The following CPA6 variants were observed in gnomAD, a reference collection of about 807,000 sequenced individuals.
The protein encoded by CPA6 is carboxypeptidase B.
CPA6 carries 58 observed loss-of-function variants against 63.3 expected under a neutral mutation model. The observed-to-expected ratio is 0.92, with a 90% CI of 0.74 to 1.14. The LOEUF (loss-of-function observed/expected upper bound fraction) is 1.14, where lower values mean the gene tolerates loss of function less well. Ranked by LOEUF, CPA6 falls within the 50% of genes most tolerant of loss-of-function variation. The pLI is 0.00. For synonymous variants in CPA6, 185 were observed against 179.0 expected (o/e 1.03, Z -0.27); for missense variants, 565 against 526.6 (o/e 1.07, Z -0.71).
intron 2 of CPA6, among the ~76,000 whole-genome samples, chr8:67,579,785 A>T (rs1381731425): frequency 3.3e-5 from 5 of 152,250 alleles, no homozygotes; most frequent in Admixed American, 3.3e-4. Context: ...CAACACCCAT[A>T]AAGGTTTATA....
chr8:67,435,864 G>T (rs1810140139), intron 8 of CPA6, among the ~76,000 whole-genome samples: 1 of 151,352 alleles, frequency 6.6e-6, no homozygotes, highest in African/African-American at 2.5e-5. Flanking sequence ...GGGGGCACAG[G>T]GCTTTGAATC....
At chr8:67,574,036 TA>T (rs1813559025) in intron 2 of CPA6, among the ~76,000 whole-genome samples, 1 of 151,984 alleles carries the variant, frequency 6.6e-6, no homozygotes, top group South Asian at 2.1e-4. Flanking sequence ...TCTACAGATT[TA>T]ATGCAATTCA....
At chr8:67,589,171 A>G (rs1431767128) in intron 2 of CPA6, among the ~76,000 whole-genome samples, 2 of 152,040 alleles carry the variant, frequency 1.3e-5, no homozygotes. Flanking sequence ...TGGAAAGAAA[A>G]CCTTCAGGTG....
At chr8:67,527,715 T>G (rs1587524668) in intron 2 of CPA6, among the ~76,000 whole-genome samples, 1 of 152,366 alleles carries the variant, frequency 6.6e-6, no homozygotes, top group East Asian at 1.9e-4. Context: ...CATCATTCAG[T>G]GATCAGTTAT....
intron 1 of CPA6, among the ~76,000 whole-genome samples, chr8:67,655,080 T>A (rs1000569887): frequency 6.6e-6 from 1 of 152,148 alleles, no homozygotes; most frequent in Non-Finnish European, 1.5e-5. Flanking sequence ...AATTATTTAA[T>A]CTCTCAGACA....
intron 8 of CPA6, among the ~76,000 whole-genome samples, chr8:67,474,245 G>A (rs1219154125): frequency 1.3e-5 from 2 of 151,660 alleles, no homozygotes; most frequent in African/African-American, 2.4e-5. Context: ...TTTTTGAGAC[G>A]GAGTCTTGCT....
chr8:67,698,513 A>G (rs974483903), intron 1 of CPA6, among the ~76,000 whole-genome samples: 2 of 152,254 alleles, frequency 1.3e-5, no homozygotes, highest in African/African-American at 2.4e-5. Flanking sequence ...TTTGTGACCA[A>G]GAAAGTTTGG....
At chr8:67,596,458 T>G (rs1229456503) in intron 2 of CPA6, among the ~76,000 whole-genome samples, 1 of 152,180 alleles carries the variant, frequency 6.6e-6, no homozygotes, top group Non-Finnish European at 1.5e-5. Flanking sequence ...ATTCCTATTG[T>G]CCCCTTCCTG....
intron 2 of CPA6, among the ~76,000 whole-genome samples, chr8:67,548,507 C>T (rs1812872337): frequency 6.6e-6 from 1 of 151,820 alleles, no homozygotes; most frequent in Admixed American, 6.6e-5. Flanking sequence ...ATCTCGGCCT[C>T]CCAAAGTGCT....
chr8:67,569,566 C>G, intron 2 of CPA6: 3 of 465,510 alleles, frequency 6.4e-6, no homozygotes, highest in South Asian at 1.7e-5. Context: ...GACCACACAA[C>G]AAGCCCAGTT....
intron 2 of CPA6, among the ~76,000 whole-genome samples, chr8:67,532,050 C>T (rs1040400629): frequency 2.6e-5 from 4 of 151,270 alleles, no homozygotes; most frequent in African/African-American, 9.7e-5. Flanking sequence ...AGGGTAAATA[C>T]GAAAACTTGA....
At chr8:67,451,982 A>G (rs764319671) in intron 8 of CPA6, among the ~76,000 whole-genome samples, 48 of 152,252 alleles carry the variant, frequency 3.2e-4, no homozygotes, top group African/African-American at 1.1e-3. Flanking sequence ...GTACAAATCA[A>G]TGCTTATTAT....
At chr8:67,491,922 T>C (rs1811614502) in intron 6 of CPA6, among the ~76,000 whole-genome samples, 1 of 152,214 alleles carries the variant, frequency 6.6e-6, no homozygotes, top group African/African-American at 2.4e-5. Flanking sequence ...GTTGGTTGGT[T>C]ACTACTGTGC....
intron 1 of CPA6, among the ~76,000 whole-genome samples, chr8:67,643,872 A>G (rs1229159540): frequency 6.6e-6 from 1 of 152,220 alleles, no homozygotes; most frequent in African/African-American, 2.4e-5. Flanking sequence ...TAAGCATCCC[A>G]GGTGATTCTG....
rs1271994112 is a variant in CPA6 at position 67,600,591 on chromosome 8, CTTG to C, written c.192+23582_192+23584del. On this transcript the variant is annotated intron_variant, in intron 2 of 10. Transcript: ENST00000297770. ...TTAAATGAGCCATTTCTCAAAACATCTTGTTGTATATGATCTCTGTATAATTTT... is the reference window on the plus strand; with the variant it reads ...TTAAATGAGCCATTTCTCAAAACATCTTGTATATGATCTCTGTATAATTTT... 4.6e-5 allele frequency among the ~76,000 whole-genome samples: 7 copies of C among 152,090 alleles called. No individual in the cohort carries two copies. In the East Asian group the frequency reaches 1.4e-3, roughly 29 times the overall value.
chr8:67,673,928 A>G lies in CPA6; in HGVS notation c.117-49677T>C, dbSNP rs931164559. On this transcript the variant is annotated intron_variant, in intron 1 of 10. Transcript: ENST00000297770. ...AGAACATTCTAGAAAGAGTTGCTTT[A>G]TGAGGTAAAGGTGAATGAAGGGAGG... 4.6e-5 allele frequency among the ~76,000 whole-genome samples: 7 copies of G among 152,186 alleles called. No individual in the cohort carries two copies. The East Asian group carries it at 9.6e-4, about 21-fold the overall frequency.
chr8:67,674,912 TACACCAGAACA>T (rs1053646969), intron 1 of CPA6, among the ~76,000 whole-genome samples: 2 of 152,134 alleles, frequency 1.3e-5, no homozygotes, highest in Non-Finnish European at 2.9e-5. Context: ...TAAGTGAATT[TACACCAGAACA>T]GAAAACCAAA....
chr8:67,437,391 T>C (rs367856996), intron 8 of CPA6, among the ~76,000 whole-genome samples: 19 of 151,966 alleles, frequency 1.3e-4, no homozygotes, highest in African/African-American at 4.3e-4. Context: ...CGAGACTCTG[T>C]CTCAAAACAA....
intron 2 of CPA6, among the ~76,000 whole-genome samples, chr8:67,619,764 T>C (rs1391269259): frequency 6.6e-6 from 1 of 152,210 alleles, no homozygotes; most frequent in Non-Finnish European, 1.5e-5. Flanking sequence ...TTTTTTCAAC[T>C]TCCTGTCCCA....
Sources: gnomAD v4.1 joint callset for allele counts (sites outside exome capture counted in the v4.1 genomes callset) on GRCh38, gnomAD v4.1.1 for gene constraint, MANE v1.5 for transcripts, NCBI Gene and HGNC (gene_info 2026-07-23, HGNC 2026-07-21) for gene names.